The following TRIM54 variants were observed in gnomAD, a reference collection of about 807,000 sequenced individuals.
TRIM54 encodes tripartite motif-containing protein 54.
TRIM54 carries 40 observed loss-of-function variants against 42.0 expected under a neutral mutation model. The ratio of observed to expected loss-of-function variants is 0.95; its 90% CI spans 0.74 to 1.24. The LOEUF (loss-of-function observed/expected upper bound fraction) is 1.24, where lower values mean the gene tolerates loss of function less well. Ranked by LOEUF, TRIM54 falls within the 50% of genes most tolerant of loss-of-function variation. The probability of loss-of-function intolerance (pLI) is 0.00; values close to 1 mark genes in which losing one functional copy is unlikely to be tolerated. For synonymous variants in TRIM54, 199 were observed against 194.9 expected (o/e 1.02, Z -0.17); for missense variants, 485 against 480.3 (o/e 1.01, Z -0.09).
At chr2:27,290,996 C>T (rs901337389) in intron 1 of TRIM54, among the ~76,000 whole-genome samples, 5 of 152,198 alleles carry the variant, frequency 3.3e-5, no homozygotes, top group African/African-American at 2.4e-5. Flanking sequence ...TCTTATTTCA[C>T]CTTCCTGATT....
At chr2:27,295,913 G>A (rs962373394) in intron 1 of TRIM54, among the ~76,000 whole-genome samples, 11 of 152,286 alleles carry the variant, frequency 7.2e-5, no homozygotes, top group Admixed American at 1.3e-4. Flanking sequence ...ACACTTTAAC[G>A]CATTCCCTAA....
At chr2:27,298,845 C>G in intron 2 of TRIM54, 106 bp downstream of exon 2, 7 of 1,246,844 alleles carry the variant, frequency 5.6e-6, no homozygotes, top group Non-Finnish European at 6.7e-6. Flanking sequence ...CCTGCCTGTT[C>G]TGTCTAGAGA....
chr2:27,296,508 C>G (rs1678869834), intron 1 of TRIM54, among the ~76,000 whole-genome samples: 1 of 152,168 alleles, frequency 6.6e-6, no homozygotes, highest in South Asian at 2.1e-4. Context: ...TCATCAGAGA[C>G]CTCCTTTCAT....
Position 27,306,087 on chromosome 2 carries a change from A to G in TRIM54, c.851A>G (p.Lys284Arg). 6.2e-7 allele frequency: 1 copy of G among 1,613,894 alleles called. No homozygotes were observed. Among genetic ancestry groups the G allele is most frequent in the Non-Finnish European group, 8.5e-7 (1 of 1,180,036 alleles). ...TCCTTTTCTTCCCTGCAGCAGGCCA[A>G]GGAGCTGATCAATAAGTGAGTAGGC... ...PQMALYLQQA[K>R]ELINKVGAMS... The change falls in exon 6 of 9, where the codon AAG becomes AGG. Residue 284 changes from lysine to arginine, a missense_variant. By Grantham distance (26) the Lys-to-Arg change is conservative (BLOSUM62 2). Transcript: ENST00000380075. The surrounding 1 kb of genome is among the most constrained non-coding windows in gnomAD (Gnocchi z 6.1).
At position 27,305,632 on chromosome 2, in the gene TRIM54, C is replaced by G. The variant is rs1679173650; in HGVS notation, c.658C>G (p.Leu220Val). 3 of 1,613,818 alleles carry G rather than the reference C, an allele frequency of 1.9e-6. No homozygotes were observed. Among genetic ancestry groups the G allele is most frequent in the Middle Eastern group, 1.6e-4 (1 of 6,062 alleles). ...KQLLNQRFES[L>V]CAVLEERKGE... ...GTTGTTAAACCAGAGGTTTGAGAGCCTGTGCGCAGTGCTGGAGGAGCGCAA... is the reference window on the plus strand; with the variant it reads ...GTTGTTAAACCAGAGGTTTGAGAGCGTGTGCGCAGTGCTGGAGGAGCGCAA... The change falls in exon 5 of 9, where the codon CTG becomes GTG. Residue 220 changes from leucine to valine, a missense_variant. Physicochemically the swap from Leu to Val is conservative, Grantham distance 32 (BLOSUM62 1). Transcript: ENST00000380075.
chr2:27,305,455 T>C (rs1395371921), intron 4 of TRIM54, 129 bp from the exon 5 acceptor site: 8 of 721,558 alleles, frequency 1.1e-5, no homozygotes, highest in Non-Finnish European at 1.8e-5. Context: ...GGGTTCTGGC[T>C]CAGCCACTAA....
chr2:27,302,583 G>A (rs1036682048), intron 3 of TRIM54, among the ~76,000 whole-genome samples: 1 of 152,048 alleles, frequency 6.6e-6, no homozygotes, highest in African/African-American at 2.4e-5. Flanking sequence ...CTTAAGGTCA[G>A]GAGTTCCAAA....
intron 4 of TRIM54, chr2:27,305,312 A>G: frequency 3.4e-6 from 2 of 586,280 alleles, no homozygotes; most frequent in Non-Finnish European, 6.1e-6. Flanking sequence ...ATAATGATAC[A>G]CCAGCTACCT....
intron 1 of TRIM54, among the ~76,000 whole-genome samples, chr2:27,283,806 A>ACACACACACT (rs1678476500): frequency 6.6e-6 from 1 of 150,426 alleles, no homozygotes; most frequent in Non-Finnish European, 1.5e-5. Context: ...ACACACACAC[A>ACACACACACT]CACACACACA....
chr2:27,302,211 G>A (rs1431468054), intron 3 of TRIM54, among the ~76,000 whole-genome samples: 7 of 151,978 alleles, frequency 4.6e-5, no homozygotes, highest in African/African-American at 1.7e-4. Flanking sequence ...AGTACTTTGG[G>A]AGGCCAAAGT....
At chr2:27,284,082 G>A (rs1317835395) in intron 1 of TRIM54, among the ~76,000 whole-genome samples, 5 of 152,060 alleles carry the variant, frequency 3.3e-5, no homozygotes, top group Non-Finnish European at 5.9e-5. Flanking sequence ...GCCTTGAGCC[G>A]AGATCATGCC....
chr2:27,287,247 G>A (rs909814642), intron 1 of TRIM54, among the ~76,000 whole-genome samples: 1 of 152,126 alleles, frequency 6.6e-6, no homozygotes, highest in Non-Finnish European at 1.5e-5. Flanking sequence ...CTATCACCCA[G>A]GTTAAGTGCA....
chr2:27,294,897 A>G (rs924266455), intron 1 of TRIM54, among the ~76,000 whole-genome samples: 1 of 151,490 alleles, frequency 6.6e-6, no homozygotes, highest in Non-Finnish European at 1.5e-5. Context: ...CTCAAAAAAA[A>G]AAAAAAAAAA....
rs750554635 is a variant in TRIM54, at chr2:27,299,368, C to T, written c.465C>T (p.His155=). ...TCSLCKVFGA[H]KDCEVAPLPT... ...CTCTCTGCAAGGTCTTCGGTGCCCA[C>T]AAGGACTGTGAGGTGGCCCCACTGC... The change falls in exon 3 of 9, where the codon CAC becomes CAT. Residue 155 remains histidine (H), a synonymous_variant. Coordinates refer to ENST00000380075, the MANE Select transcript of TRIM54 (RefSeq NM_187841.3). 2.5e-6 allele frequency: 4 copies of T among 1,614,160 alleles called. No homozygotes were observed. The highest frequency in any genetic ancestry group is 3.4e-6 in the Non-Finnish European group (4 of 1,180,040).
chr2:27,304,241 TAG>T (rs1468148787), intron 3 of TRIM54, among the ~76,000 whole-genome samples: 1 of 130,082 alleles, frequency 7.7e-6, no homozygotes, highest in African/African-American at 2.9e-5. Context: ...GATAGATAGA[TAG>T]ATAGATATAG....
At position 27,306,505 on chromosome 2, in the gene TRIM54, C is replaced by T. The variant is rs1454121006; in HGVS notation, c.1041C>T (p.Ser347=). The T allele has an allele frequency of 3.2e-6, 5 of 1,573,924 alleles. No homozygotes were observed. Among genetic ancestry groups the T allele is most frequent in the East Asian group, 2.3e-5 (1 of 42,958 alleles). Residue 347 remains serine (S), a synonymous_variant, in exon 8 of 9, where the codon AGC becomes AGT. Coordinates refer to ENST00000380075, the MANE Select transcript of TRIM54 (RefSeq NM_187841.3). The surrounding 1 kb of genome is among the most constrained non-coding windows in gnomAD (Gnocchi z 6.1). ...TGGCCCCAGACGGAGAGGAGGGCAG[C>T]GCGGGGCCGGAGGAAGAGCGGCCGG... The part of the protein sequence containing the change: ...EEVAPDGEEG[S]AGPEEERPDG...
exon 9 of TRIM54, chr2:27,307,430 CACGCAG>C (rs1286069759): frequency 4.5e-6 from 7 of 1,564,520 alleles, no homozygotes; most frequent in Non-Finnish European, 6.0e-6. This position sits in a 1 kb window ranked among gnomAD's most constrained non-coding sequence, Gnocchi z 6.9. Context: ...AAAAAATAGT[CACGCAG>C]ACAGTGCCCT....
At position 27,307,160 on chromosome 2, in the gene TRIM54, G is replaced by A. The variant is rs765236501; in HGVS notation, c.*275G>A. 5 of 322,890 alleles carry A rather than the reference G, an allele frequency of 1.5e-5. No homozygotes were observed. Among genetic ancestry groups the A allele is most frequent in the Non-Finnish European group, 2.3e-5 (4 of 173,834 alleles). The allele number at this position is 322,890 out of a possible 1,614,324, so 20.0% of individuals were successfully genotyped here. On this transcript the variant is annotated 3_prime_UTR_variant, in exon 9 of 9. Transcript: ENST00000380075. This position sits in a 1 kb window ranked among gnomAD's most constrained non-coding sequence, Gnocchi z 6.9. ...TGGGCACCTCTGTGATGCCAGGAGC[G>A]AACTGGTGAGCCCAGCGCCCTGGGA... is the stretch of plus-strand genomic sequence containing the variant.
Position 27,305,040 on chromosome 2 carries a change from T to A in TRIM54, c.595T>A (p.Cys199Ser). 1 of 1,613,910 alleles carries A rather than the reference T, an allele frequency of 6.2e-7. No individual in the cohort carries two copies. Among genetic ancestry groups the A allele is most frequent in the Non-Finnish European group, 8.5e-7 (1 of 1,179,922 alleles). Residue 199 changes from cysteine (C) to serine (S), a missense_variant, in exon 4 of 9, where the codon TGC (cysteine) becomes AGC (serine). Coordinates refer to ENST00000380075, the MANE Select transcript of TRIM54 (RefSeq NM_187841.3). ...AGTGATCACACAGATGGAGGAGGTG[T>A]GCCAGACTATCGAGGTGAGCCTGGG... is the stretch of plus-strand genomic sequence containing the variant. ...QAVITQMEEVCQTIEDNSRRQ... is the reference protein window; with the variant it reads ...QAVITQMEEVSQTIEDNSRRQ...
Sources: gnomAD v4.1 joint callset for allele counts (sites outside exome capture counted in the v4.1 genomes callset) on GRCh38, gnomAD v4.1.1 for gene constraint, Gnocchi (gnomAD v3.1) non-coding constraint, MANE v1.5 for transcripts, NCBI Gene and HGNC (gene_info 2026-07-23, HGNC 2026-07-21) for gene names.